Variants in INSC observed in about 807,000 individuals in gnomAD.
INSC encodes the protein INSC spindle orientation adaptor protein.
Under a neutral mutation model 58.6 loss-of-function variants are expected in INSC, and 67 were observed. The observed-to-expected ratio is 1.14, with a 90% CI of 0.94 to 1.40. INSC has a LOEUF of 1.40. Ranked by LOEUF, INSC falls within the 40% of genes most tolerant of loss-of-function variation. The pLI is 0.00. For synonymous variants in INSC, 262 were observed against 276.1 expected, an observed-to-expected ratio of 0.95 and a Z score of 0.51; for missense variants, 714 against 692.0, an observed-to-expected ratio of 1.03 and a Z score of -0.36.
chr11:15,201,413 G>A (rs952728766), intron 7 of INSC, among the ~76,000 whole-genome samples: 4 of 152,176 alleles, frequency 2.6e-5, no homozygotes, highest in African/African-American at 7.2e-5. Flanking sequence ...AAAGACCAGC[G>A]GGCTTGGGTG....
At chr11:15,113,109 T>TTCTC (rs757095095), upstream of INSC, among the ~76,000 whole-genome samples, 411 of 75,116 alleles carry the variant, frequency 5.5e-3, 5 homozygotes, top group East Asian at 0.012. Context: ...TTTCTTTCTT[T>TTCTC]TCTCTCTCTC....
intron 2 of INSC, among the ~76,000 whole-genome samples, chr11:15,171,063 G>A (rs966210649): frequency 6.6e-6 from 1 of 152,192 alleles, no homozygotes; most frequent in Admixed American, 6.5e-5. Flanking sequence ...GTGCATTGGG[G>A]TGGAGGGCTT....
chr11:15,133,352 A>G (rs1011504567), intron 1 of INSC, among the ~76,000 whole-genome samples: 2 of 151,690 alleles, frequency 1.3e-5, no homozygotes, highest in African/African-American at 2.4e-5. Context: ...TTCTTTCTCA[A>G]ATTTTCTTGG....
chr11:15,171,609 G>A (rs574470529), intron 2 of INSC, among the ~76,000 whole-genome samples: 2 of 152,172 alleles, frequency 1.3e-5, no homozygotes, highest in African/African-American at 2.4e-5. Flanking sequence ...GATCTCCAAC[G>A]GAAAGGGGGA....
chr11:15,127,942 C>A (rs1040916583), intron 1 of INSC, among the ~76,000 whole-genome samples: 7 of 152,016 alleles, frequency 4.6e-5, no homozygotes, highest in African/African-American at 1.7e-4. Context: ...TTGCAGTGAG[C>A]CGAGATCGTG....
chr11:15,238,260 C>T (rs780498975), intron 10 of INSC, among the ~76,000 whole-genome samples: 81 of 152,082 alleles, frequency 5.3e-4, no homozygotes, highest in Non-Finnish European at 9.0e-4. Context: ...AGAGATTATT[C>T]GGTTGAAAAC....
chr11:15,190,697 T>G lies in INSC; in HGVS notation c.580-4T>G, dbSNP rs775684010. The G allele has an allele frequency of 6.2e-7, 1 of 1,606,624 alleles. No individual in the cohort carries two copies. Among genetic ancestry groups the G allele is most frequent in the Non-Finnish European group, 8.5e-7 (1 of 1,173,170 alleles). On this transcript the variant is annotated splice_region_variant and splice_polypyrimidine_tract_variant and intron_variant, in intron 5 of 12. Transcript: ENST00000379556. Reference sequence around the variant, plus strand: ...TACTAGCTAACTTTTCTCTCTCTTCTTAGGCACTGGTGAGAAAAATTGATG... The same window carrying G: ...TACTAGCTAACTTTTCTCTCTCTTCGTAGGCACTGGTGAGAAAAATTGATG...
At chr11:15,209,273 T>A (rs1255084365) in intron 7 of INSC, among the ~76,000 whole-genome samples, 2 of 152,192 alleles carry the variant, frequency 1.3e-5, no homozygotes, top group African/African-American at 2.4e-5. Context: ...CTGAGCCCCA[T>A]TTCATCACAG....
chr11:15,134,382 T>C (rs1848193875), intron 1 of INSC, among the ~76,000 whole-genome samples: 1 of 152,190 alleles, frequency 6.6e-6, no homozygotes, highest in Non-Finnish European at 1.5e-5. Context: ...CTGACTATAG[T>C]AAATTTTAGC....
chr11:15,173,142 T>C (rs950262707), intron 2 of INSC, among the ~76,000 whole-genome samples: 1 of 152,214 alleles, frequency 6.6e-6, no homozygotes, highest in Non-Finnish European at 1.5e-5. Flanking sequence ...AATGGCTTAA[T>C]AAGTTGTGGA....
intron 2 of INSC, among the ~76,000 whole-genome samples, chr11:15,150,257 T>A (rs949927358): frequency 6.6e-6 from 1 of 152,200 alleles, no homozygotes; most frequent in African/African-American, 2.4e-5. Context: ...GCATGTGTAG[T>A]TACAGGATGT....
chr11:15,114,901 G>C (rs945942669), upstream of INSC: 20 of 984,294 alleles, frequency 2.0e-5, no homozygotes, highest in South Asian at 4.7e-5. Flanking sequence ...GCGGCCTCTC[G>C]GGCTGGGCCG....
rs367995686 is a variant in INSC, at chr11:15,239,024, C to T, written c.1343C>T (p.Ala448Val). The change falls in exon 11 of 13, where the codon GCT (alanine) becomes GTT (valine). Residue 448 changes from alanine (A) to valine (V), a missense_variant. Physicochemically the swap from Ala to Val is moderately conservative, Grantham distance 64. Coordinates refer to ENST00000379556, the MANE Select transcript of INSC (RefSeq NM_001042536.3). ...CAGCAGAAAGCTGCAGTGACCCTGG[C>T]TCGTCTCAGCCGAGACCCAGATGTG... ...RVQQKAAVTL[A>V]RLSRDPDVAR... The T allele has an allele frequency of 3.1e-6, 5 of 1,614,048 alleles. No individual in the cohort carries two copies. The African/African-American group carries it at 5.3e-5, about 17-fold the overall frequency.
intron 2 of INSC, among the ~76,000 whole-genome samples, chr11:15,167,303 C>T (rs997147088): frequency 6.6e-5 from 10 of 152,140 alleles, no homozygotes; most frequent in Admixed American, 2.6e-4. Flanking sequence ...CATGCACCTG[C>T]TTGATGGGCC....
Position 15,190,757 on chromosome 11 carries a change from AG to A in INSC, c.639del (p.Asn214ThrfsTer5). 6.2e-7 allele frequency: 1 copy of A among 1,613,966 alleles called. No homozygotes were observed. The highest frequency in any genetic ancestry group is 8.5e-7 in the Non-Finnish European group (1 of 1,179,836). The stretch of plus-strand genomic sequence containing the variant: ...ATATCTACACCACAGAGTCCACCAC[AG>A]GGAACCTGTTCAGCCTGACCCAGGA... ...DNIYTTESTT[G>X]NLFSLTQEGA... On this transcript the variant is annotated frameshift_variant, in exon 6 of 13. Coordinates refer to ENST00000379556, the MANE Select transcript of INSC (RefSeq NM_001042536.3). LOFTEE classifies it high-confidence loss of function.
At chr11:15,212,300 G>A (rs535701650) in intron 7 of INSC, among the ~76,000 whole-genome samples, 17 of 152,144 alleles carry the variant, frequency 1.1e-4, no homozygotes, top group Admixed American at 1.0e-3. Context: ...AGGTTTCACC[G>A]TGTTAGCCAG....
chr11:15,267,604 C>G, the INSC span, among the ~76,000 whole-genome samples: 2 of 151,894 alleles, frequency 1.3e-5, no homozygotes, highest in South Asian at 4.1e-4. Flanking sequence ...TAAAAATATA[C>G]CTATCATGTC....
intron 4 of INSC, among the ~76,000 whole-genome samples, chr11:15,177,873 T>A (rs1426554435): frequency 6.6e-6 from 1 of 152,138 alleles, no homozygotes; most frequent in East Asian, 1.9e-4. Flanking sequence ...TTCTCAAGGC[T>A]CTCTGCACAC....
chr11:15,241,724 A>T, intron 12 of INSC: 1 of 649,194 alleles, frequency 1.5e-6, no homozygotes, highest in East Asian at 2.7e-5. Context: ...TTAAATGCAA[A>T]AAAGTAAAAT....
Sources: allele counts gnomAD v4.1 joint callset (sites outside exome capture counted in the v4.1 genomes callset), GRCh38; gene constraint gnomAD v4.1.1; transcripts MANE v1.5; gene names NCBI Gene and HGNC (gene_info 2026-07-23, HGNC 2026-07-21).